The following PBX1 variants were observed in gnomAD, a reference collection of about 807,000 sequenced individuals.
PBX1 encodes the protein pre-B-cell leukemia transcription factor 1.
A neutral mutation model predicts 53.4 loss-of-function variants in PBX1; 6 were observed. The observed-to-expected ratio is 0.11, with a 90% confidence interval of 0.06 to 0.22. The LOEUF (loss-of-function observed/expected upper bound fraction) is 0.22, where lower values mean the gene tolerates loss of function less well. Among genes scored for constraint, PBX1 ranks in the 10% least tolerant of loss-of-function variants. PBX1 has a pLI of 1.00. For synonymous variants in PBX1, 204 were observed against 212.3 expected (o/e 0.96, Z 0.34); for missense variants, 251 against 551.4 (o/e 0.46, Z 5.46).
chr1:164,750,447 A>G (rs1666140986), intron 2 of PBX1, among the ~76,000 whole-genome samples: 1 of 152,082 alleles, frequency 6.6e-6, no homozygotes. Context: ...CTTAGCAACT[A>G]AAATAAATTC....
At chr1:164,711,834 C>T (rs1394046466) in intron 2 of PBX1, among the ~76,000 whole-genome samples, 2 of 152,218 alleles carry the variant, frequency 1.3e-5, no homozygotes, top group South Asian at 2.1e-4. Context: ...GAAAGCCTGC[C>T]GTCTGCCGGA....
chr1:164,784,076 T>C (rs969147721), intron 2 of PBX1, among the ~76,000 whole-genome samples: 4 of 152,202 alleles, frequency 2.6e-5, no homozygotes, highest in Non-Finnish European at 5.9e-5. Context: ...CTGTTCCTTG[T>C]ATCATGGGTT....
intron 2 of PBX1, chr1:164,682,966 C>G (rs1046499737): frequency 6.6e-6 from 1 of 152,148 alleles, no homozygotes; most frequent in Non-Finnish European, 1.5e-5. Context: ...TGCTCAGAAC[C>G]CAGGCTGTGA....
chr1:164,655,098 G>GTTT (rs1385024281), intron 2 of PBX1, among the ~76,000 whole-genome samples: 85 of 38,310 alleles, frequency 2.2e-3, no homozygotes, highest in African/African-American at 6.4e-3. Flanking sequence ...TCTCTGATGT[G>GTTT]TGTTTTTTTT....
intron 8 of PBX1, among the ~76,000 whole-genome samples, chr1:164,834,474 G>C (rs1670933238): frequency 6.6e-6 from 1 of 151,658 alleles, no homozygotes; most frequent in Non-Finnish European, 1.5e-5. Context: ...CTCCCAAGTA[G>C]CTGGGATTAC....
chr1:164,581,432 T>C (rs1654613064), intron 2 of PBX1, among the ~76,000 whole-genome samples: 1 of 152,086 alleles, frequency 6.6e-6, no homozygotes, highest in Admixed American at 6.5e-5. Context: ...TTCACCATAT[T>C]GGCCAGGCTG....
intron 2 of PBX1, chr1:164,642,239 C>G (rs1659187610): frequency 6.6e-6 from 1 of 152,030 alleles, no homozygotes; most frequent in Admixed American, 6.5e-5. Flanking sequence ...CGGACAGAAC[C>G]AAGTGCAGGC....
intron 2 of PBX1, among the ~76,000 whole-genome samples, chr1:164,720,742 T>C: frequency 6.6e-6 from 1 of 152,188 alleles, no homozygotes; most frequent in Non-Finnish European, 1.5e-5. Context: ...TAATGTCTTA[T>C]TCAGTATGAA....
intron 2 of PBX1, among the ~76,000 whole-genome samples, chr1:164,585,227 A>G (rs1285375338): frequency 6.6e-6 from 1 of 152,102 alleles, no homozygotes; most frequent in East Asian, 1.9e-4. Context: ...TGAAAGAAGA[A>G]TTTTACCCAC....
intron 8 of PBX1, among the ~76,000 whole-genome samples, chr1:164,822,506 A>G (rs1026801753): frequency 1.3e-5 from 2 of 152,164 alleles, no homozygotes; most frequent in African/African-American, 4.8e-5. Flanking sequence ...TCGAAGGAAG[A>G]AGAGTTAGGC....
At chr1:164,564,205 C>T (rs2101690961) in intron 2 of PBX1, among the ~76,000 whole-genome samples, 1 of 152,266 alleles carries the variant, frequency 6.6e-6, no homozygotes, top group Non-Finnish European at 1.5e-5. Flanking sequence ...GGAGCTTCTG[C>T]TGGGCTCTGA....
chr1:164,768,796 G>A (rs1439947797), intron 2 of PBX1, among the ~76,000 whole-genome samples: 2 of 152,220 alleles, frequency 1.3e-5, no homozygotes, highest in African/African-American at 4.8e-5. Flanking sequence ...CATCACGCCT[G>A]TAATCCCAGC....
chr1:164,734,795 A>G (rs969078525), intron 2 of PBX1, among the ~76,000 whole-genome samples: 4 of 152,300 alleles, frequency 2.6e-5, no homozygotes, highest in African/African-American at 9.6e-5. Flanking sequence ...ATGAAATTTT[A>G]TATGATGGTA....
intron 8 of PBX1, among the ~76,000 whole-genome samples, chr1:164,837,340 A>C (rs1671090565): frequency 6.6e-6 from 1 of 152,234 alleles, no homozygotes; most frequent in Non-Finnish European, 1.5e-5. Flanking sequence ...AGTTTAAAAA[A>C]GAAAAAGAAT....
At chr1:164,570,367 C>T (rs1653761580) in intron 2 of PBX1, among the ~76,000 whole-genome samples, 1 of 152,090 alleles carries the variant, frequency 6.6e-6, no homozygotes, top group Admixed American at 6.5e-5. Context: ...TTGTCCCCCA[C>T]CCCCTGACAG....
At chr1:164,623,479 G>A (rs1657825829) in intron 2 of PBX1, among the ~76,000 whole-genome samples, 1 of 152,200 alleles carries the variant, frequency 6.6e-6, no homozygotes, top group Admixed American at 6.5e-5. Flanking sequence ...TTAGAGCCTT[G>A]CCAGGGTCTA....
In PBX1 at chr1:164,799,816, T is replaced by A; in HGVS notation, c.628T>A (p.Ser210Thr). 1 of 1,614,074 alleles carries A rather than the reference T, an allele frequency of 6.2e-7. No homozygotes were observed. The highest frequency in any genetic ancestry group is 8.5e-7 in the Non-Finnish European group (1 of 1,179,982). The change falls in exon 4 of 9, where the codon TCC becomes ACC. Residue 210 changes from serine to threonine, a missense_variant. This residue lies in a region of PBX1 where 76 missense variants were observed against 197.5 expected (regional missense o/e 0.38). Coordinates refer to ENST00000420696, the MANE Select transcript of PBX1 (RefSeq NM_002585.4). ...CAGCATCATCCACCGCAAGTTCAGC[T>A]CCATCCAGATGCAGCTCAAGCAGAG... ...MVSIIHRKFS[S>T]IQMQLKQSTC...
chr1:164,607,894 A>T (rs1299488861), intron 2 of PBX1, among the ~76,000 whole-genome samples: 1 of 152,226 alleles, frequency 6.6e-6, no homozygotes, highest in Admixed American at 6.5e-5. Flanking sequence ...CTGGGCTCTT[A>T]TACTTCTATC....
chr1:164,853,940 AT>A (rs58184792), downstream of PBX1, among the ~76,000 whole-genome samples: 53,153 of 145,774 alleles, frequency 0.36, 10,056 homozygotes, highest in African/African-American at 0.48. Context: ...TATTTATTTT[AT>A]TTTTTTTTTT....
Sources: allele counts gnomAD v4.1 joint callset (sites outside exome capture counted in the v4.1 genomes callset), GRCh38; gene constraint gnomAD v4.1.1; regional missense constraint gnomAD v4.1.1; transcripts MANE v1.5; gene names NCBI Gene and HGNC (gene_info 2026-07-23, HGNC 2026-07-21).